INSYN2A: variants seen among roughly 807,000 people sequenced by gnomAD.
INSYN2A encodes family with sequence similarity 196 member A.
Under a neutral mutation model 39.4 loss-of-function variants are expected in INSYN2A, and 17 were observed. The observed-to-expected ratio is 0.43, with a 90% CI of 0.30 to 0.65. The LOEUF (loss-of-function observed/expected upper bound fraction) is 0.65. INSYN2A is among the 30% of genes least tolerant of loss of function. The pLI is 0.14. For missense variants in INSYN2A, 595 were observed against 631.2 expected, an observed-to-expected ratio of 0.94 and a Z score of 0.61; for synonymous variants, 255 against 265.7, an observed-to-expected ratio of 0.96 and a Z score of 0.39.
intron 4 of INSYN2A, among the ~76,000 whole-genome samples, chr10:127,159,421 T>C (rs1005334382): frequency 6.6e-6 from 1 of 152,208 alleles, no homozygotes; most frequent in African/African-American, 2.4e-5. Flanking sequence ...CTTCAGTTGT[T>C]ACTATCAGCA....
intron 5 of INSYN2A, among the ~76,000 whole-genome samples, chr10:127,141,662 CTT>C (rs1163268086): frequency 4.6e-5 from 7 of 151,416 alleles, no homozygotes; most frequent in African/African-American, 1.7e-4. Flanking sequence ...CAGAGTGAGA[CTT>C]TGTCTTTAAA....
chr10:127,137,691 A>G lies in INSYN2A; in HGVS notation c.*146T>C. The stretch of plus-strand genomic sequence containing the variant: ...GCTTCTGTTAATTATCTATTGGTAC[A>G]AAGGCCTTTTTGGTACGCAGGGCGA... On this transcript the variant is annotated 3_prime_UTR_variant, in exon 6 of 6. Coordinates refer to ENST00000522781, the MANE Select transcript of INSYN2A (RefSeq NM_001039762.3). The G allele has an allele frequency of 3.0e-6, 2 of 665,466 alleles. No individual in the cohort carries two copies. Among genetic ancestry groups the G allele is most frequent in the Non-Finnish European group, 5.0e-6 (2 of 396,660 alleles). The allele number at this position is 665,466 out of a possible 1,614,324, so 41.2% of individuals were successfully genotyped here.
intron 5 of INSYN2A, among the ~76,000 whole-genome samples, chr10:127,150,195 C>G (rs1384513109): frequency 6.6e-6 from 1 of 152,174 alleles, no homozygotes; most frequent in Non-Finnish European, 1.5e-5. Context: ...GAATAGGTGA[C>G]TCCTCCTGCC....
intron 4 of INSYN2A, among the ~76,000 whole-genome samples, chr10:127,156,973 T>C (rs571787059): frequency 2.0e-4 from 30 of 152,332 alleles, no homozygotes; most frequent in African/African-American, 7.0e-4. Flanking sequence ...AGTTATTAAG[T>C]ACATACTAAG....
chr10:127,178,363 T>A (rs1251805193), intron 2 of INSYN2A, among the ~76,000 whole-genome samples: 2 of 152,242 alleles, frequency 1.3e-5, no homozygotes, highest in Non-Finnish European at 2.9e-5. Flanking sequence ...ACTACTGGTA[T>A]TTCAGGATGG....
At chr10:127,141,481 T>C (rs1011739502) in intron 5 of INSYN2A, among the ~76,000 whole-genome samples, 6 of 152,220 alleles carry the variant, frequency 3.9e-5, no homozygotes, top group African/African-American at 1.4e-4. Context: ...GGTGGGCGGA[T>C]CACTTGAGAT....
At chr10:127,163,641 C>T (rs1025014455) in intron 4 of INSYN2A, among the ~76,000 whole-genome samples, 2 of 152,114 alleles carry the variant, frequency 1.3e-5, no homozygotes, top group Non-Finnish European at 2.9e-5. Flanking sequence ...TTTTGTGATG[C>T]GTCTGTCTAA....
chr10:127,165,898 CTGCT>C (rs1203190975), intron 4 of INSYN2A, among the ~76,000 whole-genome samples: 2 of 152,288 alleles, frequency 1.3e-5, no homozygotes, highest in Admixed American at 1.3e-4. Flanking sequence ...GAGGGGATCT[CTGCT>C]GTCTCTAGCA....
chr10:127,195,254 G>GCCCGCGGGCTC (rs1170818171), intron 1 of INSYN2A, among the ~76,000 whole-genome samples: 1 of 152,134 alleles, frequency 6.6e-6, no homozygotes, highest in Non-Finnish European at 1.5e-5. Flanking sequence ...ACCCCGGGCT[G>GCCCGCGGGCTC]CCCGCGGGCT....
intron 1 of INSYN2A, among the ~76,000 whole-genome samples, chr10:127,194,800 AGC>A (rs2056988100): frequency 6.6e-6 from 1 of 152,164 alleles, no homozygotes; most frequent in South Asian, 2.1e-4. Context: ...TTGGCTTCCC[AGC>A]CAAGGCAGGG....
chr10:127,176,447 C>T lies in INSYN2A; in HGVS notation c.-5-47G>A, dbSNP rs1194424919. The stretch of plus-strand genomic sequence containing the variant: ...GAGGTGTCAGTGGGACAGAAATACA[C>T]ACTCAAGCACCGGCCGCACAAACTT... On this transcript the variant is annotated intron_variant, in intron 3 of 5. Coordinates refer to ENST00000522781, the MANE Select transcript of INSYN2A (RefSeq NM_001039762.3). This position sits in a 1 kb window ranked among gnomAD's most constrained non-coding sequence, Gnocchi z 4.4. 2.0e-6 allele frequency: 3 copies of T among 1,473,526 alleles called. No homozygotes were observed. The highest frequency in any genetic ancestry group is 2.0e-5 in the Admixed American group (1 of 49,020). 91.3% of individuals were successfully genotyped at this position (1,473,526 alleles called of 1,614,324 possible).
At chr10:127,190,258 T>C (rs2056621354) in intron 2 of INSYN2A, among the ~76,000 whole-genome samples, 2 of 152,198 alleles carry the variant, frequency 1.3e-5, no homozygotes, top group Non-Finnish European at 1.5e-5. Context: ...GCTTTTTTCT[T>C]TTCTAAACAC....
At chr10:127,153,532 T>C (rs2052716705) in intron 5 of INSYN2A, among the ~76,000 whole-genome samples, 1 of 152,228 alleles carries the variant, frequency 6.6e-6, no homozygotes, top group African/African-American at 2.4e-5. Flanking sequence ...GAAGGGCCTA[T>C]GTTTTACAGC....
At chr10:127,161,686 C>T (rs751567650) in intron 4 of INSYN2A, among the ~76,000 whole-genome samples, 48 of 152,228 alleles carry the variant, frequency 3.2e-4, no homozygotes, top group Non-Finnish European at 4.0e-4. Context: ...CTGTTCTTTA[C>T]GGATCCTTTG....
chr10:127,180,598 C>A (rs956800436), intron 2 of INSYN2A, among the ~76,000 whole-genome samples: 2 of 152,156 alleles, frequency 1.3e-5, no homozygotes, highest in African/African-American at 4.8e-5. Context: ...ATAAACCCTG[C>A]ATTTTTAGAT....
chr10:127,159,632 AT>A (rs939287563), intron 4 of INSYN2A, among the ~76,000 whole-genome samples: 1 of 152,140 alleles, frequency 6.6e-6, no homozygotes, highest in Non-Finnish European at 1.5e-5. Context: ...ACCTTTGTAT[AT>A]TTATTTTAAA....
intron 2 of INSYN2A, among the ~76,000 whole-genome samples, chr10:127,186,716 G>C (rs2056306505): frequency 6.6e-6 from 1 of 151,960 alleles, no homozygotes; most frequent in South Asian, 2.1e-4. Flanking sequence ...AAATAAGGAA[G>C]CGCAGTACTT....
chr10:127,194,625 T>G (rs551275536), intron 1 of INSYN2A, among the ~76,000 whole-genome samples: 11 of 152,286 alleles, frequency 7.2e-5, no homozygotes, highest in Middle Eastern at 3.4e-3. Flanking sequence ...GTGAGTGGTA[T>G]TTTTTCATCA....
chr10:127,146,321 G>T (rs2051848684), intron 5 of INSYN2A, among the ~76,000 whole-genome samples: 1 of 152,118 alleles, frequency 6.6e-6, no homozygotes, highest in Non-Finnish European at 1.5e-5. Flanking sequence ...ACAGTTAATG[G>T]CTGTAACAAG....
Sources: allele counts gnomAD v4.1 joint callset (sites outside exome capture counted in the v4.1 genomes callset), GRCh38; gene constraint gnomAD v4.1.1; non-coding constraint Gnocchi (gnomAD v3.1); transcripts MANE v1.5; gene names NCBI Gene and HGNC (gene_info 2026-07-23, HGNC 2026-07-21).